The following NAALADL2 variants were observed in gnomAD, a reference collection of about 807,000 sequenced individuals.
NAALADL2 encodes N-acetylated alpha-linked acidic dipeptidase like 2, also known as inactive N-acetylated-alpha-linked acidic dipeptidase-like protein 2.
In NAALADL2, 76 loss-of-function variants were observed where a neutral mutation model predicts 87.2. The ratio of observed to expected loss-of-function variants is 0.87; its 90% confidence interval spans 0.72 to 1.05. The LOEUF is 1.05. NAALADL2 is among the 50% of genes least tolerant of loss of function. NAALADL2 has a pLI of 0.00. For synonymous variants in NAALADL2, 354 were observed against 331.0 expected (o/e 1.07, Z -0.75); for missense variants, 1,089 against 945.8 (o/e 1.15, Z -1.99).
At chr3:175,689,623 T>C (rs1042199251) in intron 11 of NAALADL2, among the ~76,000 whole-genome samples, 3 of 152,170 alleles carry the variant, frequency 2.0e-5, no homozygotes, top group African/African-American at 7.2e-5. Flanking sequence ...ACATTCCCAG[T>C]AAATCCTACT....
chr3:175,524,624 C>T (rs1175367644), intron 9 of NAALADL2, among the ~76,000 whole-genome samples: 4 of 152,052 alleles, frequency 2.6e-5, no homozygotes, highest in East Asian at 3.9e-4. Context: ...AAATTATAGG[C>T]TATAAATCTT....
chr3:175,464,543 A>T (rs1405056854), intron 7 of NAALADL2, among the ~76,000 whole-genome samples: 1 of 152,202 alleles, frequency 6.6e-6, no homozygotes, highest in African/African-American at 2.4e-5. Flanking sequence ...TGTGCCTGTT[A>T]TACAGTGTAG....
chr3:175,549,216 TG>T (rs1385015757), intron 9 of NAALADL2, among the ~76,000 whole-genome samples: 52 of 151,992 alleles, frequency 3.4e-4, no homozygotes, highest in African/African-American at 1.2e-3. Context: ...TTCATTACTC[TG>T]TAAATAATAC....
At chr3:175,181,718 T>TGTATATGC (rs1553802465) in intron 2 of NAALADL2, among the ~76,000 whole-genome samples, 1,260 of 72,368 alleles carry the variant, frequency 0.017, 24 homozygotes, top group South Asian at 0.065. Context: ...TGTGTGTGTG[T>TGTATATGC]ATATATATGT....
chr3:174,875,357 T>C (rs1432204845), intron 1 of NAALADL2, among the ~76,000 whole-genome samples: 1 of 152,072 alleles, frequency 6.6e-6, no homozygotes, highest in African/African-American at 2.4e-5. Context: ...AATAAAATAG[T>C]TGTTTACTAT....
At chr3:174,442,236 G>A (rs758858610) in intron 1 of NAALADL2, among the ~76,000 whole-genome samples, 5 of 152,218 alleles carry the variant, frequency 3.3e-5, no homozygotes, top group African/African-American at 1.2e-4. Flanking sequence ...CTGGGAGAAT[G>A]GGGGAGGAAA....
chr3:175,143,950 G>C (rs1376752727), intron 2 of NAALADL2, among the ~76,000 whole-genome samples: 2 of 151,060 alleles, frequency 1.3e-5, no homozygotes. Flanking sequence ...CAATATTGAT[G>C]TTTTTCTATC....
intron 2 of NAALADL2, among the ~76,000 whole-genome samples, chr3:174,585,286 G>A (rs1011751145): frequency 6.6e-6 from 1 of 152,104 alleles, no homozygotes; most frequent in Non-Finnish European, 1.5e-5. Flanking sequence ...TAGGAGTACC[G>A]TCTGAGCTCA....
chr3:174,647,329 A>T (rs1723895233), intron 2 of NAALADL2, among the ~76,000 whole-genome samples: 1 of 152,174 alleles, frequency 6.6e-6, no homozygotes, highest in Non-Finnish European at 1.5e-5. Flanking sequence ...GAAGTTATAA[A>T]ATCAGATGCC....
chr3:175,449,640 A>G (rs570193317), intron 6 of NAALADL2, among the ~76,000 whole-genome samples: 59 of 149,548 alleles, frequency 3.9e-4, no homozygotes, highest in Middle Eastern at 3.6e-3. Context: ...TGATCCGCCC[A>G]CCTCGGCCTC....
chr3:175,216,717 G>A (rs1742610971), intron 2 of NAALADL2, among the ~76,000 whole-genome samples: 1 of 142,326 alleles, frequency 7.0e-6, no homozygotes, highest in East Asian at 2.1e-4. Flanking sequence ...TGCCCAGGCT[G>A]GAGTGCAATG....
intron 9 of NAALADL2, among the ~76,000 whole-genome samples, chr3:175,525,815 A>G (rs1000987916): frequency 2.0e-5 from 3 of 152,172 alleles, no homozygotes; most frequent in African/African-American, 7.2e-5. Flanking sequence ...ATGATTATAT[A>G]TTTGTAATGA....
At chr3:174,609,571 C>T (rs1719564925) in intron 2 of NAALADL2, among the ~76,000 whole-genome samples, 1 of 152,040 alleles carries the variant, frequency 6.6e-6, no homozygotes, top group Non-Finnish European at 1.5e-5. Flanking sequence ...ACAATTGCTT[C>T]AAGGAGAATA....
rs1378730367 is a variant in NAALADL2, at chr3:175,639,390, G to A, written c.1896+12004G>A. 4.2e-5 allele frequency among the ~76,000 whole-genome samples: 6 copies of A among 142,332 alleles called. No homozygotes were observed. The South Asian group carries it at 6.5e-4, about 15-fold the overall frequency. 93.4% of individuals were successfully genotyped at this position (142,332 alleles called of 152,430 possible). ...GGCTGGAGTGCAGTGGTGCAATCTC[G>A]GCTCACTGCAAGCTCCACCTCCCGG... On this transcript the variant is annotated intron_variant, in intron 11 of 13. Transcript: ENST00000454872.
chr3:174,905,037 T>C (rs2108274032), intron 1 of NAALADL2, among the ~76,000 whole-genome samples: 1 of 151,952 alleles, frequency 6.6e-6, no homozygotes, highest in South Asian at 2.1e-4. Context: ...AGCAGTTTTC[T>C]TATTCTAGAA....
At chr3:175,682,055 T>C (rs1735670505) in intron 11 of NAALADL2, among the ~76,000 whole-genome samples, 1 of 152,072 alleles carries the variant, frequency 6.6e-6, no homozygotes, top group Non-Finnish European at 1.5e-5. Context: ...CCATTATAAC[T>C]TCAGTTCAGA....
rs139712236 is a variant in NAALADL2 at position 174,894,352 on chromosome 3, A to T, written c.43+34902A>T. On this transcript the variant is annotated intron_variant, in intron 1 of 13. Coordinates refer to ENST00000454872, the MANE Select transcript of NAALADL2 (RefSeq NM_207015.3). Reference sequence around the variant, plus strand: ...ACGCCTGTAATCCCAGCATTTTGGGAGGCCAAGACGGGTGGATCACCTGAG... The same window carrying T: ...ACGCCTGTAATCCCAGCATTTTGGGTGGCCAAGACGGGTGGATCACCTGAG... Among the ~76,000 whole-genome samples, 452 of 152,152 alleles carry T rather than the reference A, an allele frequency of 3.0e-3. 2 individuals carry two copies. The highest frequency in any genetic ancestry group is 0.011 in the African/African-American group (437 of 41,510).
chr3:175,252,706 A>G (rs1226244199), intron 3 of NAALADL2, among the ~76,000 whole-genome samples: 7 of 152,206 alleles, frequency 4.6e-5, no homozygotes, highest in African/African-American at 1.7e-4. Flanking sequence ...CCAAGTTGTG[A>G]ATGCTAAGGA....
chr3:175,189,044 T>C (rs535489876), intron 2 of NAALADL2, among the ~76,000 whole-genome samples: 29 of 152,274 alleles, frequency 1.9e-4, no homozygotes, highest in African/African-American at 6.7e-4. Flanking sequence ...GTGATAGTTA[T>C]CCACCCATGC....
Sources: gnomAD v4.1 joint callset for allele counts (sites outside exome capture counted in the v4.1 genomes callset) on GRCh38, gnomAD v4.1.1 for gene constraint, MANE v1.5 for transcripts, NCBI Gene and HGNC (gene_info 2026-07-23, HGNC 2026-07-21) for gene names.